Variants in RPS6KC1 observed in about 807,000 individuals in gnomAD.
RPS6KC1 encodes the protein ribosomal protein S6 kinase C1, also known as inactive ribosomal protein S6 kinase delta-1.
Under a neutral mutation model 103.8 loss-of-function variants are expected in RPS6KC1, and 54 were observed. That is an observed-to-expected ratio of 0.52 (90% CI 0.42 to 0.65). RPS6KC1 has a LOEUF of 0.65. RPS6KC1 is among the 30% of genes least tolerant of loss of function. The pLI, the probability that RPS6KC1 is intolerant of heterozygous loss-of-function variation, is 0.00. For synonymous variants in RPS6KC1, 439 were observed against 438.7 expected (o/e 1.00, Z -0.01); for missense variants, 1,151 against 1,253.8 (o/e 0.92, Z 1.24).
At chr1:213,834,845 AC>A in the RPS6KC1 span, among the ~76,000 whole-genome samples, 1 of 152,178 alleles carries the variant, frequency 6.6e-6, no homozygotes, top group Non-Finnish European at 1.5e-5. Context: ...GTTCACTGAG[AC>A]CATCCAGGGA....
At chr1:213,318,382 T>C in the RPS6KC1 span, among the ~76,000 whole-genome samples, 5 of 152,260 alleles carry the variant, frequency 3.3e-5, no homozygotes, top group African/African-American at 1.2e-4. Context: ...TCCTGGCCTC[T>C]TGAAGTGCTA....
chr1:213,395,944 C>T, the RPS6KC1 span, among the ~76,000 whole-genome samples: 6 of 152,194 alleles, frequency 3.9e-5, no homozygotes, highest in Non-Finnish European at 5.9e-5. Context: ...AGGCTCCGAA[C>T]GGAGTCTGGG....
At chr1:213,346,054 A>G in the RPS6KC1 span, among the ~76,000 whole-genome samples, 3 of 152,344 alleles carry the variant, frequency 2.0e-5, no homozygotes, top group East Asian at 5.8e-4. Flanking sequence ...TAACAATATC[A>G]TGGACACATT....
chr1:213,194,941 T>C (rs1186974136), intron 8 of RPS6KC1, among the ~76,000 whole-genome samples: 4 of 152,146 alleles, frequency 2.6e-5, no homozygotes, highest in Non-Finnish European at 5.9e-5. Flanking sequence ...TATATAACAT[T>C]CTTAAAATGA....
At chr1:213,117,499 T>C (rs1481932901) in intron 5 of RPS6KC1, 89 bp downstream of exon 5, 4 of 705,866 alleles carry the variant, frequency 5.7e-6, no homozygotes, top group Non-Finnish European at 9.6e-6. Flanking sequence ...CAGATGTATA[T>C]AGGAATTTGA....
the RPS6KC1 span, among the ~76,000 whole-genome samples, chr1:213,453,961 A>G: frequency 0.044 from 6,679 of 152,326 alleles, 165 homozygotes; most frequent in African/African-American, 0.059. Context: ...ATGTAGCCTA[A>G]AAATATTGAA....
At chr1:213,246,316 AAAAG>A (rs2094453555) in intron 12 of RPS6KC1, among the ~76,000 whole-genome samples, 1 of 152,200 alleles carries the variant, frequency 6.6e-6, no homozygotes, top group South Asian at 2.1e-4. Context: ...GAGAAAAGGC[AAAAG>A]AAATAGTCCA....
At chr1:213,442,022 GTGGGAGGAGAGACTTTGCCA>G in the RPS6KC1 span, among the ~76,000 whole-genome samples, 1 of 152,184 alleles carries the variant, frequency 6.6e-6, no homozygotes. Flanking sequence ...CATCACTTCT[GTGGGAGGAGAGACTTTGCCA>G]TGAGTAACAG....
the RPS6KC1 span, among the ~76,000 whole-genome samples, chr1:213,734,212 G>A: frequency 1.3e-5 from 2 of 152,194 alleles, no homozygotes; most frequent in Non-Finnish European, 2.9e-5. Flanking sequence ...TAGGGTGGCT[G>A]TATGGCTCTG....
intron 5 of RPS6KC1, among the ~76,000 whole-genome samples, chr1:213,128,303 A>G (rs2085216478): frequency 6.6e-6 from 1 of 152,206 alleles, no homozygotes; most frequent in African/African-American, 2.4e-5. Flanking sequence ...TTGTTTTGGA[A>G]AATATAGTTA....
intron 12 of RPS6KC1, among the ~76,000 whole-genome samples, chr1:213,251,262 A>G (rs892638398): frequency 2.6e-5 from 4 of 152,000 alleles, no homozygotes; most frequent in Admixed American, 6.6e-5. Context: ...GGCCACCACC[A>G]TGCCCTGGCT....
At chr1:213,688,987 A>C in the RPS6KC1 span, among the ~76,000 whole-genome samples, 1 of 152,216 alleles carries the variant, frequency 6.6e-6, no homozygotes, top group Admixed American at 6.5e-5. Flanking sequence ...GAAGGGGAGA[A>C]AGGGAGGCTG....
chr1:213,176,567 G>C, intron 8 of RPS6KC1, 75 bp downstream of exon 8: 1 of 954,122 alleles, frequency 1.0e-6, no homozygotes, highest in Non-Finnish European at 1.6e-6. Flanking sequence ...TGAAGCTTTG[G>C]ATCTTAAGGA....
At chr1:213,559,281 G>A in the RPS6KC1 span, among the ~76,000 whole-genome samples, 1 of 152,176 alleles carries the variant, frequency 6.6e-6, no homozygotes, top group Admixed American at 6.5e-5. Flanking sequence ...ACACTGCCCA[G>A]TGGGGACCCT....
the RPS6KC1 span, among the ~76,000 whole-genome samples, chr1:213,426,514 A>G: frequency 6.6e-6 from 1 of 152,180 alleles, no homozygotes; most frequent in Non-Finnish European, 1.5e-5. Context: ...TTCTATGTCA[A>G]TTTTATTTGA....
the RPS6KC1 span, among the ~76,000 whole-genome samples, chr1:213,311,552 G>A: frequency 1.3e-5 from 2 of 152,120 alleles, no homozygotes; most frequent in African/African-American, 4.8e-5. Context: ...TAAGTTGTCA[G>A]ACTTGTAGTG....
chr1:213,264,353 G>A (rs2094867194), intron 14 of RPS6KC1, among the ~76,000 whole-genome samples: 1 of 152,036 alleles, frequency 6.6e-6, no homozygotes, highest in Non-Finnish European at 1.5e-5. Context: ...AAAAAGAACA[G>A]CTATTCATTT....
At chr1:213,246,407 T>C (rs2094455002) in intron 12 of RPS6KC1, among the ~76,000 whole-genome samples, 1 of 152,142 alleles carries the variant, frequency 6.6e-6, no homozygotes, top group Non-Finnish European at 1.5e-5. Context: ...GACTTGTAGA[T>C]ACTTTATTAG....
the RPS6KC1 span, among the ~76,000 whole-genome samples, chr1:213,566,095 T>G: frequency 6.6e-6 from 1 of 151,842 alleles, no homozygotes; most frequent in Non-Finnish European, 1.5e-5. Context: ...CAGAGATGGA[T>G]AGATGGATAG....
Sources: gnomAD v4.1 joint callset for allele counts (sites outside exome capture counted in the v4.1 genomes callset) on GRCh38, gnomAD v4.1.1 for gene constraint, MANE v1.5 for transcripts, NCBI Gene and HGNC (gene_info 2026-07-23, HGNC 2026-07-21) for gene names.